The following EPS8 variants were observed in gnomAD, a reference collection of about 807,000 sequenced individuals.
EPS8 encodes EGFR pathway substrate 8, signaling adaptor.
Under a neutral mutation model 103.8 loss-of-function variants are expected in EPS8, and 42 were observed. The ratio of observed to expected loss-of-function variants is 0.40; its 90% CI spans 0.32 to 0.52. The LOEUF is 0.52. Ranked by LOEUF, EPS8 falls within the 20% of genes least tolerant of loss-of-function variation. The pLI, the probability that EPS8 is intolerant of heterozygous loss-of-function variation, is 0.40. For missense variants in EPS8, 969 were observed against 1,005.1 expected, an observed-to-expected ratio of 0.96 and a Z score of 0.49; for synonymous variants, 344 against 344.6, an observed-to-expected ratio of 1.00 and a Z score of 0.02.
chr12:15,648,579 T>C (rs1945359787), intron 14 of EPS8, among the ~76,000 whole-genome samples: 4 of 152,202 alleles, frequency 2.6e-5, no homozygotes, highest in African/African-American at 9.7e-5. Context: ...GTTTATCATT[T>C]CCCTGGGAAA....
chr12:15,634,436 T>C (rs1945101744), intron 17 of EPS8, among the ~76,000 whole-genome samples: 1 of 152,180 alleles, frequency 6.6e-6, no homozygotes, highest in Non-Finnish European at 1.5e-5. Context: ...CTTTAGCAAC[T>C]TAAGCTGAGT....
At position 15,785,451 on chromosome 12, in the gene EPS8, C is replaced by T. The variant is rs549680853; in HGVS notation, c.-22+3710G>A. Among the ~76,000 whole-genome samples the T allele has an allele frequency of 1.3e-5, 2 of 152,188 alleles. No individual in the cohort carries two copies. The highest frequency in any genetic ancestry group is 4.8e-5 in the African/African-American group (2 of 41,566). ...TCTTCTCACTGTTGGAGTAAGTTTA[C>T]ATATAAACAAAGGGAGAAGGCTAGA... On this transcript the variant is annotated intron_variant, in intron 1 of 20. Transcript: ENST00000281172. This position sits in a 1 kb window ranked among gnomAD's most constrained non-coding sequence, Gnocchi z 4.9.
chr12:15,720,624 C>T (rs1189287083), intron 1 of EPS8, among the ~76,000 whole-genome samples: 1 of 152,178 alleles, frequency 6.6e-6, no homozygotes, highest in Non-Finnish European at 1.5e-5. Flanking sequence ...GTGTTATTTA[C>T]TTAGAACGCT....
rs1341307263 is a variant in EPS8, at chr12:15,767,097, T to G, written c.-22+22064A>C. On this transcript the variant is annotated intron_variant, in intron 1 of 20. Transcript: ENST00000281172. This position sits in a 1 kb window ranked among gnomAD's most constrained non-coding sequence, Gnocchi z 5.5. ...AATAATGACAGCAACTAACAATGTG[T>G]GTGGGCCTGGCAAATAGCACCTAAG... Among the ~76,000 whole-genome samples the G allele has an allele frequency of 6.6e-6, 1 of 152,144 alleles. No individual in the cohort carries two copies. The highest frequency in any genetic ancestry group is 2.4e-5 in the African/African-American group (1 of 41,428).
chr12:15,666,354 A>G (rs1417256415), intron 7 of EPS8, 86 bp downstream of exon 7: 1 of 959,678 alleles, frequency 1.0e-6, no homozygotes, highest in Non-Finnish European at 1.6e-6. Context: ...ATATACTTCC[A>G]TAGAAAATAA....
rs968392280 is a variant in EPS8, at chr12:15,759,789, T to C, written c.-22+29372A>G. Among the ~76,000 whole-genome samples the C allele has an allele frequency of 7.2e-5, 11 of 151,984 alleles. No individual in the cohort carries two copies. Among genetic ancestry groups the C allele is most frequent in the Admixed American group, 2.0e-4 (3 of 15,270 alleles). On this transcript the variant is annotated intron_variant, in intron 1 of 20. Coordinates refer to ENST00000281172, the MANE Select transcript of EPS8 (RefSeq NM_004447.6). The surrounding 1 kb of genome is among the most constrained non-coding windows in gnomAD (Gnocchi z 4.9). Reference sequence around the variant, plus strand: ...AACAAATGATAATGGAAACACAACATACCAAAACCTATGTGAAACAGCAAA... The same window carrying C: ...AACAAATGATAATGGAAACACAACACACCAAAACCTATGTGAAACAGCAAA...
intron 1 of EPS8, among the ~76,000 whole-genome samples, chr12:15,750,057 C>T (rs1014581938): frequency 6.6e-6 from 1 of 152,084 alleles, no homozygotes; most frequent in Non-Finnish European, 1.5e-5. Context: ...CTAAACCTGC[C>T]GGGTGCTTGG....
In EPS8 at chr12:15,749,404, T is replaced by C. The variant is rs1392894608; in HGVS notation, c.-22+39757A>G. 6.6e-6 allele frequency among the ~76,000 whole-genome samples: 1 copy of C among 152,196 alleles called. No individual in the cohort carries two copies. Among genetic ancestry groups the C allele is most frequent in the Non-Finnish European group, 1.5e-5 (1 of 68,032 alleles). ...CAGGAATGTCTTGTTCAACATTATT[T>C]CTCAAATGCTAAGCAAAGGGCCTGC... is the stretch of plus-strand genomic sequence containing the variant. On this transcript the variant is annotated intron_variant, in intron 1 of 20. Coordinates refer to ENST00000281172, the MANE Select transcript of EPS8 (RefSeq NM_004447.6). The surrounding 1 kb of genome is among the most constrained non-coding windows in gnomAD (Gnocchi z 4.0).
At chr12:15,715,845 C>A (rs1946527514) in intron 1 of EPS8, among the ~76,000 whole-genome samples, 1 of 151,510 alleles carries the variant, frequency 6.6e-6, no homozygotes, top group African/African-American at 2.4e-5. Flanking sequence ...TCAAAATCTG[C>A]TTTCTGGGGA....
intron 1 of EPS8, among the ~76,000 whole-genome samples, chr12:15,723,686 A>T (rs968825676): frequency 6.6e-5 from 10 of 152,190 alleles, no homozygotes; most frequent in Non-Finnish European, 1.5e-4. Flanking sequence ...TCCTTAAGTT[A>T]AAAACCACAT....
rs1344399196 is a variant in EPS8 at position 15,731,580 on chromosome 12, G to A, written c.-21-48608C>T. 2.0e-5 allele frequency among the ~76,000 whole-genome samples: 3 copies of A among 152,192 alleles called. No individual in the cohort carries two copies. Among genetic ancestry groups the A allele is most frequent in the African/African-American group, 7.2e-5 (3 of 41,442 alleles). Reference sequence around the variant, plus strand: ...CCCAAAGTGCTGGGATTATAGGCATGAGCCACCATGCCTGGCCTTAATTGA... The same window carrying A: ...CCCAAAGTGCTGGGATTATAGGCATAAGCCACCATGCCTGGCCTTAATTGA... On this transcript the variant is annotated intron_variant, in intron 1 of 20. Transcript: ENST00000281172. The surrounding 1 kb of genome is among the most constrained non-coding windows in gnomAD (Gnocchi z 5.1).
intron 19 of EPS8, 105 bp downstream of exon 19, chr12:15,624,122 G>T: frequency 1.2e-6 from 1 of 860,270 alleles, no homozygotes; most frequent in Non-Finnish European, 1.9e-6. Flanking sequence ...TATGCAGTCT[G>T]TGCCCTTATG....
rs1348856410 is a variant in EPS8, at chr12:15,738,873, C to T, written c.-22+50288G>A. On this transcript the variant is annotated intron_variant, in intron 1 of 20. Coordinates refer to ENST00000281172, the MANE Select transcript of EPS8 (RefSeq NM_004447.6). This position sits in a 1 kb window ranked among gnomAD's most constrained non-coding sequence, Gnocchi z 6.2. ...TCAGATTAAATCATTAAGCGTGCCACGTTAAACAGTCCATGGTGGAGCTAA... is the reference window on the plus strand; with the variant it reads ...TCAGATTAAATCATTAAGCGTGCCATGTTAAACAGTCCATGGTGGAGCTAA... Among the ~76,000 whole-genome samples the T allele has an allele frequency of 6.6e-6, 1 of 152,126 alleles. No individual in the cohort carries two copies. Among genetic ancestry groups the T allele is most frequent in the Non-Finnish European group, 1.5e-5 (1 of 68,020 alleles).
intron 15 of EPS8, among the ~76,000 whole-genome samples, chr12:15,642,911 A>T (rs188005060): frequency 6.6e-6 from 1 of 152,370 alleles, no homozygotes; most frequent in Admixed American, 6.5e-5. Context: ...AAAGATGACC[A>T]GTATAGAACA....
intron 1 of EPS8, among the ~76,000 whole-genome samples, chr12:15,703,327 A>G (rs1946336699): frequency 6.6e-6 from 1 of 152,180 alleles, no homozygotes; most frequent in Non-Finnish European, 1.5e-5. Context: ...ATTACAATGC[A>G]TTTTAGTAAA....
chr12:15,654,352 T>C, intron 12 of EPS8, 59 bp from the exon 13 acceptor site: 4 of 1,526,230 alleles, frequency 2.6e-6, no homozygotes, highest in Non-Finnish European at 3.6e-6. Context: ...ATTTTCAAAA[T>C]GTGTGGACAA....
chr12:15,640,825 A>AT lies in EPS8; in HGVS notation c.1698dup (p.Trp567MetfsTer17). On this transcript the variant is annotated frameshift_variant, in exon 17 of 21. Coordinates refer to ENST00000281172, the MANE Select transcript of EPS8 (RefSeq NM_004447.6). LOFTEE classifies it high-confidence loss of function. ...CCACTTGCATTTCGAACTTTCCACC[A>AT]TTGCTTCCGATCATCAAGTATCTGT... The AT allele has an allele frequency of 6.2e-7, 1 of 1,613,824 alleles. No individual in the cohort carries two copies. Among genetic ancestry groups the AT allele is most frequent in the South Asian group, 1.1e-5 (1 of 91,074 alleles).
chr12:15,689,760 C>A (rs1419575626), intron 1 of EPS8, among the ~76,000 whole-genome samples: 1 of 152,104 alleles, frequency 6.6e-6, no homozygotes, highest in Non-Finnish European at 1.5e-5. Context: ...AAACTGTGTA[C>A]CCATTGTTAA....
intron 1 of EPS8, among the ~76,000 whole-genome samples, chr12:15,768,429 CAAAAAAAAAAAAAAA>C (rs71042268): frequency 1.2e-4 from 3 of 24,858 alleles, no homozygotes; most frequent in African/African-American, 4.9e-4. Flanking sequence ...GACTCCATCT[CAAAAAAAAAAAAAAA>C]AAAAAAAAAA....
Sources: allele counts gnomAD v4.1 joint callset (sites outside exome capture counted in the v4.1 genomes callset), GRCh38; gene constraint gnomAD v4.1.1; non-coding constraint Gnocchi (gnomAD v3.1); transcripts MANE v1.5; gene names NCBI Gene and HGNC (gene_info 2026-07-23, HGNC 2026-07-21).